CNTN4: variants seen among roughly 807,000 people sequenced by gnomAD.
CNTN4 encodes contactin-4.
In CNTN4, 77 loss-of-function variants were observed where a neutral mutation model predicts 122.5. The ratio of observed to expected loss-of-function variants is 0.63; its 90% CI spans 0.52 to 0.76. The LOEUF is 0.76. Ranked by LOEUF, CNTN4 falls within the 30% of genes least tolerant of loss-of-function variation. CNTN4 has a pLI of 0.00. For synonymous variants in CNTN4, 512 were observed against 447.0 expected, an observed-to-expected ratio of 1.15 and a Z score of -1.83; for missense variants, 1,256 against 1,259.1, an observed-to-expected ratio of 1.00 and a Z score of 0.04.
chr3:2,291,501 AAATTTT>A (rs2042133856), intron 2 of CNTN4, among the ~76,000 whole-genome samples: 1 of 152,148 alleles, frequency 6.6e-6, no homozygotes, highest in Non-Finnish European at 1.5e-5. Flanking sequence ...AACTCAAAAT[AAATTTT>A]TAATTATGAT....
chr3:2,724,703 G>A (rs1349556327), intron 4 of CNTN4, among the ~76,000 whole-genome samples: 1 of 152,222 alleles, frequency 6.6e-6, no homozygotes, highest in Non-Finnish European at 1.5e-5. Context: ...CTGCCTGCAG[G>A]CATTCTGTGA....
chr3:2,119,908 A>G (rs2033607254), intron 2 of CNTN4, among the ~76,000 whole-genome samples: 1 of 152,144 alleles, frequency 6.6e-6, no homozygotes, highest in Admixed American at 6.5e-5. Flanking sequence ...TGAAGGAGAA[A>G]AGGAAAGTGC....
rs142039260 is a variant in CNTN4, at chr3:3,005,392, C to G, written c.1486+16920C>G. On this transcript the variant is annotated intron_variant, in intron 14 of 24. Transcript: ENST00000418658. ...TTTGCTATAAGCAGTCAGGAGGAAC[C>G]AAGCTACTCCAAACTTTGCTTAGAA... is the stretch of plus-strand genomic sequence containing the variant. Among the ~76,000 whole-genome samples, 711 of 152,308 alleles carry G rather than the reference C, an allele frequency of 4.7e-3. 5 individuals are homozygous for G. The highest frequency in any genetic ancestry group is 0.016 in the African/African-American group (672 of 41,554).
intron 3 of CNTN4, among the ~76,000 whole-genome samples, chr3:2,568,318 A>G (rs1351276): frequency 5.7e-5 from 1 of 17,454 alleles, no homozygotes; most frequent in African/African-American, 2.9e-4. Flanking sequence ...CAAGAATGTG[A>G]AAAAAAAAAA....
chr3:2,555,609 A>G lies in CNTN4; in HGVS notation c.-88-15807A>G, dbSNP rs894719449. Among the ~76,000 whole-genome samples the G allele has an allele frequency of 5.9e-5, 9 of 152,038 alleles. 1 individual carries two copies. The highest frequency in any genetic ancestry group is 1.9e-4 in the African/African-American group (8 of 41,434). ...TTTTAGCCTGGAGTTCATCTAAGCT[A>G]CAAATTTGAAGCTAATCACAGAAGG... On this transcript the variant is annotated intron_variant, in intron 3 of 24. Transcript: ENST00000418658.
At chr3:2,737,223 G>A (rs2089175936) in intron 5 of CNTN4, among the ~76,000 whole-genome samples, 1 of 152,094 alleles carries the variant, frequency 6.6e-6, no homozygotes, top group African/African-American at 2.4e-5. Flanking sequence ...TGGGATTATA[G>A]GTTTGCACCA....
At chr3:2,725,046 T>C (rs546871902) in intron 4 of CNTN4, among the ~76,000 whole-genome samples, 126 of 152,356 alleles carry the variant, frequency 8.3e-4, no homozygotes, top group Non-Finnish European at 1.4e-3. Flanking sequence ...AGATCATTTA[T>C]ACCTCCTATT....
At chr3:2,368,654 C>T (rs2045509232) in intron 3 of CNTN4, among the ~76,000 whole-genome samples, 1 of 147,486 alleles carries the variant, frequency 6.8e-6, no homozygotes, top group African/African-American at 2.6e-5. Context: ...GTACCCTTCA[C>T]ATTTTCTTAA....
Position 2,523,356 on chromosome 3 carries a change from TA to T in CNTN4, c.-88-48044del, listed in dbSNP as rs67485307. On this transcript the variant is annotated intron_variant, in intron 3 of 24. Coordinates refer to ENST00000418658, the MANE Select transcript of CNTN4 (RefSeq NM_175607.3). Reference sequence around the variant, plus strand: ...CAAATCTCAGGAAAGCAAGAGACCTTAAAAAAAAAAAAAAAACAAAACTTTT... The same window carrying T: ...CAAATCTCAGGAAAGCAAGAGACCTTAAAAAAAAAAAAAAACAAAACTTTT... 2.3e-3 allele frequency among the ~76,000 whole-genome samples: 273 copies of T among 119,990 alleles called. 3 individuals are homozygous for T. The highest frequency in any genetic ancestry group is 6.7e-3 in the African/African-American group (218 of 32,470). 78.7% of individuals were successfully genotyped at this position (119,990 alleles called of 152,430 possible).
At chr3:2,210,239 G>A (rs369107087) in intron 2 of CNTN4, among the ~76,000 whole-genome samples, 1 of 152,112 alleles carries the variant, frequency 6.6e-6, no homozygotes, top group African/African-American at 2.4e-5. Context: ...TACATGAAAA[G>A]ATGACCACAA....
At chr3:2,815,895 G>T (rs533891238) in intron 6 of CNTN4, among the ~76,000 whole-genome samples, 1 of 127,708 alleles carries the variant, frequency 7.8e-6, no homozygotes, top group African/African-American at 4.0e-5. Flanking sequence ...TATATATGAT[G>T]GAATACTATG....
At chr3:2,451,736 C>T (rs2048837736) in intron 3 of CNTN4, among the ~76,000 whole-genome samples, 1 of 152,102 alleles carries the variant, frequency 6.6e-6, no homozygotes, top group South Asian at 2.1e-4. Context: ...ATTCCATTTT[C>T]ATGGTCCCTT....
At chr3:2,208,317 G>C (rs147992990) in intron 2 of CNTN4, among the ~76,000 whole-genome samples, 3 of 152,270 alleles carry the variant, frequency 2.0e-5, no homozygotes, top group East Asian at 1.9e-4. Flanking sequence ...AGAGGTTCAA[G>C]ATTTCAGTGC....
At chr3:2,186,827 G>GC (rs1410501436) in intron 2 of CNTN4, among the ~76,000 whole-genome samples, 2 of 151,936 alleles carry the variant, frequency 1.3e-5, no homozygotes, top group Non-Finnish European at 2.9e-5. Flanking sequence ...CTGGATATTA[G>GC]CCTTTGTCAG....
intron 2 of CNTN4, among the ~76,000 whole-genome samples, chr3:2,265,211 G>A (rs1292751291): frequency 1.3e-5 from 2 of 151,218 alleles, no homozygotes; most frequent in Non-Finnish European, 3.0e-5. Context: ...TTATGGTTAA[G>A]TAGTATCCCA....
chr3:3,051,998 A>G (rs1701319372), intron 23 of CNTN4, among the ~76,000 whole-genome samples: 1 of 152,212 alleles, frequency 6.6e-6, no homozygotes, highest in Non-Finnish European at 1.5e-5. Flanking sequence ...GTCCCATCCC[A>G]GAACTAATCA....
intron 3 of CNTN4, among the ~76,000 whole-genome samples, chr3:2,519,640 T>C (rs775079550): frequency 1.2e-4 from 18 of 152,304 alleles, no homozygotes; most frequent in Non-Finnish European, 2.1e-4. Context: ...TGTCAGGCAA[T>C]AGGGAGTCCA....
intron 2 of CNTN4, among the ~76,000 whole-genome samples, chr3:2,137,881 T>C (rs926918549): frequency 3.9e-5 from 6 of 152,236 alleles, no homozygotes; most frequent in African/African-American, 1.2e-4. Flanking sequence ...GTTGCCACTA[T>C]GTAAACACTG....
intron 3 of CNTN4, among the ~76,000 whole-genome samples, chr3:2,343,339 T>C (rs1250756899): frequency 6.6e-6 from 1 of 152,168 alleles, no homozygotes; most frequent in Non-Finnish European, 1.5e-5. Flanking sequence ...CCAGTCACAC[T>C]GGTCACGGGC....
Sources: allele counts gnomAD v4.1 joint callset (sites outside exome capture counted in the v4.1 genomes callset), GRCh38; gene constraint gnomAD v4.1.1; transcripts MANE v1.5; gene names NCBI Gene and HGNC (gene_info 2026-07-23, HGNC 2026-07-21).